The following PTPRD variants were observed in gnomAD, a reference collection of about 807,000 sequenced individuals.
PTPRD encodes the protein protein tyrosine phosphatase receptor type D, also known as receptor-type tyrosine-protein phosphatase delta.
A neutral mutation model predicts 214.5 loss-of-function variants in PTPRD; 34 were observed. The ratio of observed to expected loss-of-function variants is 0.16; its 90% CI spans 0.12 to 0.21. The LOEUF (loss-of-function observed/expected upper bound fraction) is 0.21. Among genes scored for constraint, PTPRD ranks in the 10% least tolerant of loss-of-function variants. The probability of loss-of-function intolerance (pLI) is 1.00; values close to 1 mark genes in which losing one functional copy is unlikely to be tolerated. For missense variants in PTPRD, 2,545 were observed against 2,398.7 expected (o/e 1.06, Z -1.27); for synonymous variants, 1,128 against 845.7 (o/e 1.33, Z -5.79).
In PTPRD at chr9:8,490,921, G is replaced by A. The variant is rs183221613; in HGVS notation, c.2467+1941C>T. On this transcript the variant is annotated intron_variant, in intron 27 of 45. Coordinates refer to ENST00000381196, the MANE Select transcript of PTPRD (RefSeq NM_002839.4). ...TGTAACTAAATACCTTTACAATTAT[G>A]GTTATTAGGAGCTCACATCTGTGAG... 3.3e-5 allele frequency among the ~76,000 whole-genome samples: 5 copies of A among 152,202 alleles called. No individual in the cohort carries two copies. In the East Asian group the frequency reaches 9.7e-4, roughly 29 times the overall value.
intron 11 of PTPRD, among the ~76,000 whole-genome samples, chr9:8,956,571 A>G (rs568761717): frequency 6.6e-6 from 1 of 151,850 alleles, no homozygotes; most frequent in African/African-American, 2.4e-5. Flanking sequence ...ATTTCTTTGA[A>G]AAACAACAGC....
At chr9:8,692,663 G>A (rs748339150) in intron 12 of PTPRD, among the ~76,000 whole-genome samples, 2 of 152,160 alleles carry the variant, frequency 1.3e-5, no homozygotes, top group Non-Finnish European at 2.9e-5. Context: ...AGTAAGTCAG[G>A]AACGTGAAAT....
chr9:9,367,553 A>G lies in PTPRD; in HGVS notation c.-203+29896T>C, dbSNP rs144421813. Among the ~76,000 whole-genome samples, 87 of 151,738 alleles carry G rather than the reference A, an allele frequency of 5.7e-4. 2 individuals are homozygous for G. Among genetic ancestry groups the G allele is most frequent in the East Asian group, 5.7e-3 (29 of 5,126 alleles). ...CCAGGTACAGGATCTGTACTGTTCA[A>G]CTGAAGTCTAATTTTTGTATATATT... On this transcript the variant is annotated intron_variant, in intron 9 of 45. Coordinates refer to ENST00000381196, the MANE Select transcript of PTPRD (RefSeq NM_002839.4).
chr9:10,054,177 C>A lies in PTPRD; in HGVS notation c.-544-20387G>T, dbSNP rs141217960. On this transcript the variant is annotated intron_variant, in intron 3 of 45. Coordinates refer to ENST00000381196, the MANE Select transcript of PTPRD (RefSeq NM_002839.4). ...AATCATAACAAAAAATCCCCAATGG[C>A]CAATGATGGAAACAAAATATTTGAC... Among the ~76,000 whole-genome samples, 343 of 152,154 alleles carry A rather than the reference C, an allele frequency of 2.3e-3. 1 individual carries two copies. The highest frequency in any genetic ancestry group is 8.0e-3 in the African/African-American group (331 of 41,496).
At chr9:8,722,174 G>A in intron 12 of PTPRD, among the ~76,000 whole-genome samples, 1 of 141,938 alleles carries the variant, frequency 7.0e-6, no homozygotes, top group Admixed American at 7.0e-5. Flanking sequence ...TGTACAGAGA[G>A]AAAGAACAGA....
intron 5 of PTPRD, among the ~76,000 whole-genome samples, chr9:9,840,264 C>T (rs77543123): frequency 0.036 from 5,450 of 152,146 alleles, 324 homozygotes; most frequent in African/African-American, 0.12. Context: ...ATCCTCCCAC[C>T]TCCTAAAGTG....
chr9:10,447,591 T>C (rs748666759), intron 2 of PTPRD, among the ~76,000 whole-genome samples: 5 of 151,980 alleles, frequency 3.3e-5, no homozygotes, highest in Non-Finnish European at 4.4e-5. Context: ...AAAACAATAA[T>C]ATAACTAATC....
intron 10 of PTPRD, among the ~76,000 whole-genome samples, chr9:9,148,288 T>A (rs1158375082): frequency 6.6e-6 from 1 of 152,194 alleles, no homozygotes; most frequent in Non-Finnish European, 1.5e-5. Context: ...TGGCAACCTT[T>A]TTTTGGAAGC....
At chr9:9,207,479 C>T (rs1321413421) in intron 9 of PTPRD, among the ~76,000 whole-genome samples, 1 of 151,740 alleles carries the variant, frequency 6.6e-6, no homozygotes, top group South Asian at 2.1e-4. Flanking sequence ...AAAAAAAAGC[C>T]AAATAAAAAT....
intron 7 of PTPRD, among the ~76,000 whole-genome samples, chr9:9,682,290 T>G (rs1479323485): frequency 6.6e-6 from 1 of 151,738 alleles, no homozygotes; most frequent in Non-Finnish European, 1.5e-5. Context: ...GTCCTATAGT[T>G]ATATTGGATC....
intron 3 of PTPRD, among the ~76,000 whole-genome samples, chr9:10,061,163 A>T (rs2097772441): frequency 6.6e-6 from 1 of 151,868 alleles, no homozygotes; most frequent in Non-Finnish European, 1.5e-5. Flanking sequence ...TTGCTCATTT[A>T]AGTTACTCTC....
intron 11 of PTPRD, among the ~76,000 whole-genome samples, chr9:8,978,463 G>T (rs1396417365): frequency 1.3e-5 from 2 of 152,120 alleles, no homozygotes; most frequent in Non-Finnish European, 2.9e-5. Context: ...CTATGAGGAA[G>T]ATTTAGGTAC....
chr9:8,373,919 T>A (rs1564369794), intron 39 of PTPRD, among the ~76,000 whole-genome samples: 3 of 116,876 alleles, frequency 2.6e-5, no homozygotes, highest in Non-Finnish European at 4.8e-5. Flanking sequence ...TCTATCTACC[T>A]ACCTACCTAT....
At chr9:9,167,271 T>G (rs951585774) in intron 10 of PTPRD, among the ~76,000 whole-genome samples, 12 of 152,092 alleles carry the variant, frequency 7.9e-5, no homozygotes, top group African/African-American at 2.9e-4. Flanking sequence ...CTGATGTGCT[T>G]CTTATTTTTT....
chr9:10,601,140 A>G (rs2077858775), intron 2 of PTPRD, among the ~76,000 whole-genome samples: 1 of 151,760 alleles, frequency 6.6e-6, no homozygotes, highest in Non-Finnish European at 1.5e-5. Flanking sequence ...AAATAATAAT[A>G]TTTTAATCAT....
intron 14 of PTPRD, among the ~76,000 whole-genome samples, chr9:8,571,412 A>C (rs963270881): frequency 1.3e-5 from 2 of 152,144 alleles, no homozygotes; most frequent in African/African-American, 4.8e-5. Context: ...AATAACAAAA[A>C]CAAAGACCAG....
intron 43 of PTPRD, among the ~76,000 whole-genome samples, chr9:8,336,491 C>G (rs959695521): frequency 5.7e-5 from 4 of 70,736 alleles, no homozygotes; most frequent in African/African-American, 1.7e-4. Flanking sequence ...GATGAAAACC[C>G]CTAGAAGAAA....
intron 5 of PTPRD, among the ~76,000 whole-genome samples, chr9:9,778,345 G>A (rs1306527517): frequency 6.6e-6 from 1 of 152,162 alleles, no homozygotes; most frequent in Non-Finnish European, 1.5e-5. Flanking sequence ...TGTCCTCCAT[G>A]AATATGTGAT....
intron 14 of PTPRD, among the ~76,000 whole-genome samples, chr9:8,602,983 A>T (rs751496879): frequency 6.6e-6 from 1 of 152,200 alleles, no homozygotes; most frequent in Non-Finnish European, 1.5e-5. Flanking sequence ...CTGCCACTGG[A>T]AGATGAAGAG....
Sources: allele counts gnomAD v4.1 joint callset (sites outside exome capture counted in the v4.1 genomes callset), GRCh38; gene constraint gnomAD v4.1.1; transcripts MANE v1.5; gene names NCBI Gene and HGNC (gene_info 2026-07-23, HGNC 2026-07-21).